Variants in CD200R1 observed in about 807,000 individuals in gnomAD.
CD200R1 encodes the protein CD200 receptor 1.
A neutral mutation model predicts 38.1 loss-of-function variants in CD200R1; 30 were observed. That is an observed-to-expected ratio of 0.79 (90% CI 0.59 to 1.07). The LOEUF is 1.07. Among genes scored for constraint, CD200R1 ranks in the 50% least tolerant of loss-of-function variants. The pLI is 0.00. For synonymous variants in CD200R1, 128 were observed against 152.1 expected (o/e 0.84, Z 1.16); for missense variants, 372 against 415.4 (o/e 0.90, Z 0.91).
rs766530294 is a variant in CD200R1, at chr3:112,929,529, TAAAAG to T, written c.203-27_203-23del. 7.3e-5 allele frequency: 115 copies of T among 1,574,580 alleles called. No individual in the cohort carries two copies. The African/African-American group carries it at 1.4e-3, about 20-fold the overall frequency. On this transcript the variant is annotated intron_variant, in intron 3 of 7. Transcript: ENST00000308611. ...TTAACTGGACATGAAAAGAGAATGA[TAAAAG>T]AAAAGCTTGATAAAGAACTTCATGT... is the stretch of plus-strand genomic sequence containing the variant.
At chr3:112,951,007 C>A (rs1371949913) in intron 1 of CD200R1, among the ~76,000 whole-genome samples, 1 of 151,686 alleles carries the variant, frequency 6.6e-6, no homozygotes, top group Non-Finnish European at 1.5e-5. Context: ...AGAGAGAAAA[C>A]ACAATAATAA....
In CD200R1 at chr3:112,930,502, G is replaced by T. The variant is rs1229694652; in HGVS notation, c.202+604C>A. 3.9e-5 allele frequency among the ~76,000 whole-genome samples: 6 copies of T among 152,190 alleles called. No individual in the cohort carries two copies. In the South Asian group the frequency reaches 1.2e-3, roughly 32 times the overall value. ...AAAAATTAAGCCCTGCATCCTACAA[G>T]CATCTTCCAACGTAGAACCTCATGC... is the stretch of plus-strand genomic sequence containing the variant. On this transcript the variant is annotated intron_variant, in intron 3 of 7. Coordinates refer to ENST00000308611, the MANE Select transcript of CD200R1 (RefSeq NM_138806.4).
chr3:112,930,591 A>C (rs950048481), intron 3 of CD200R1, among the ~76,000 whole-genome samples: 1 of 152,242 alleles, frequency 6.6e-6, no homozygotes, highest in African/African-American at 2.4e-5. Flanking sequence ...TGATTAGTCC[A>C]CCAAAGTATT....
chr3:112,944,455 T>C (rs1482438183), intron 2 of CD200R1, among the ~76,000 whole-genome samples: 7 of 143,992 alleles, frequency 4.9e-5, no homozygotes, highest in Non-Finnish European at 1.1e-4. Context: ...TTTTAAAAAC[T>C]CTCAGTAAAC....
chr3:112,957,060 A>C (rs1468710112), intron 1 of CD200R1, among the ~76,000 whole-genome samples: 1 of 152,142 alleles, frequency 6.6e-6, no homozygotes, highest in African/African-American at 2.4e-5. Context: ...GTTGGGGTCC[A>C]AGGCAAAGTT....
rs1450459962 is a variant in CD200R1 at position 112,922,779 on chromosome 3, G to A, written c.*898C>T. On this transcript the variant is annotated 3_prime_UTR_variant, in exon 8 of 8. Coordinates refer to ENST00000308611, the MANE Select transcript of CD200R1 (RefSeq NM_138806.4). ...TGATTAAAAAGAGAAAGTGGCAACT[G>A]TAGAAGCAGGAATAGTACAGTTATT... 1 of 151,942 alleles carries A rather than the reference G, an allele frequency of 6.6e-6. No individual in the cohort carries two copies. The highest frequency in any genetic ancestry group is 1.5e-5 in the Non-Finnish European group (1 of 67,888). The allele number at this position is 151,942 out of a possible 1,614,324, so 9.4% of individuals were successfully genotyped here. A position where few individuals can be genotyped will look rare whatever the true frequency, so the allele number is the denominator to read the frequency against.
chr3:112,969,914 G>C (rs980100798), intron 1 of CD200R1, among the ~76,000 whole-genome samples: 1 of 152,140 alleles, frequency 6.6e-6, no homozygotes, highest in Non-Finnish European at 1.5e-5. Flanking sequence ...ACTCACGCCT[G>C]TAATTCCAAC....
rs1176485330 is a variant in CD200R1, at chr3:112,929,283, G to A, written c.427C>T (p.Arg143Cys). The change falls in exon 4 of 8, where the codon CGT becomes TGT. Residue 143 changes from arginine (R) to cysteine (C), a missense_variant. Physicochemically the swap from Arg to Cys is radical, Grantham distance 180. Transcript: ENST00000308611. ...CCGTCATGAGTGATGGCCACGGTACGAATCTGAAGGTCCGAATTCTGATCA... is the reference window on the plus strand; with the variant it reads ...CCGTCATGAGTGATGGCCACGGTACAAATCTGAAGGTCCGAATTCTGATCA... The part of the protein sequence containing the change: ...RPDQNSDLQI[R>C]TVAITHDGYY... The A allele has an allele frequency of 3.1e-6, 5 of 1,614,106 alleles. No individual in the cohort carries two copies. The highest frequency in any genetic ancestry group is 2.7e-5 in the African/African-American group (2 of 75,016).
At chr3:112,963,614 T>G (rs1221668889) in intron 1 of CD200R1, among the ~76,000 whole-genome samples, 1 of 152,168 alleles carries the variant, frequency 6.6e-6, no homozygotes, top group East Asian at 1.9e-4. Flanking sequence ...AGCAAAGTAT[T>G]CAAGATGCGA....
intron 2 of CD200R1, among the ~76,000 whole-genome samples, chr3:112,934,388 CCTT>C (rs1330977627): frequency 6.6e-6 from 1 of 151,790 alleles, no homozygotes; most frequent in African/African-American, 2.4e-5. Context: ...GAAAAACTAT[CCTT>C]CAGAAATAAA....
chr3:112,970,318 G>GT (rs1331281793), intron 1 of CD200R1, among the ~76,000 whole-genome samples: 1 of 152,170 alleles, frequency 6.6e-6, no homozygotes, highest in East Asian at 1.9e-4. Flanking sequence ...TTGTTGCTTA[G>GT]TGTTAATGCA....
intron 1 of CD200R1, among the ~76,000 whole-genome samples, chr3:112,956,686 C>A (rs75845973): frequency 0.019 from 2,907 of 152,250 alleles, 98 homozygotes; most frequent in African/African-American, 0.066. Context: ...TTCCAGAGAT[C>A]CTGGGAAGAC....
rs777004253 is a variant in CD200R1 at position 112,957,170 on chromosome 3, A to G, written c.68-9246T>C. On this transcript the variant is annotated intron_variant, in intron 1 of 7. Transcript: ENST00000308611. ...AGGTGACACAAGTAATTTAAAACTG[A>G]CGTCCTCTTCAATATATCTTTTCTT... Among the ~76,000 whole-genome samples the G allele has an allele frequency of 9.2e-5, 14 of 152,304 alleles. No homozygotes were observed. The Middle Eastern group carries it at 0.01, about 111-fold the overall frequency.
rs528478594 is a variant in CD200R1 at position 112,953,772 on chromosome 3, T to A, written c.68-5848A>T. 2.6e-5 allele frequency among the ~76,000 whole-genome samples: 4 copies of A among 152,322 alleles called. No individual in the cohort carries two copies. The East Asian group carries it at 7.7e-4, about 29-fold the overall frequency. ...ACAGTCTCTTGTGATCCTTTGTGTT[T>A]CTACAGTATAAGTTGTAATGTCTCC... is the stretch of plus-strand genomic sequence containing the variant. On this transcript the variant is annotated intron_variant, in intron 1 of 7. Coordinates refer to ENST00000308611, the MANE Select transcript of CD200R1 (RefSeq NM_138806.4).
rs1933410262 is a variant in CD200R1, at chr3:112,975,094, T to C, written c.-237A>G. 4 of 535,698 alleles carry C rather than the reference T, an allele frequency of 7.5e-6. No individual in the cohort carries two copies. In the South Asian group the frequency reaches 1.1e-4, roughly 15 times the overall value. 33.2% of individuals were successfully genotyped at this position (535,698 alleles called of 1,614,324 possible). A position where few individuals can be genotyped will look rare whatever the true frequency, so the allele number is the denominator to read the frequency against. On this transcript the variant is annotated 5_prime_UTR_variant, in exon 1 of 8. Transcript: ENST00000308611. ...CTCTGGAACTTGACACAGCAATAGA[T>C]TTCCTGTATGAAGCCCTGAAGCAAA...
At chr3:112,928,476 T>A (rs1940331702) in intron 5 of CD200R1, among the ~76,000 whole-genome samples, 1 of 152,338 alleles carries the variant, frequency 6.6e-6, no homozygotes, top group Middle Eastern at 3.4e-3. Flanking sequence ...TGAGTAAATG[T>A]ATCCTTCTAA....
At chr3:112,930,060 T>C (rs532373969) in intron 3 of CD200R1, among the ~76,000 whole-genome samples, 1 of 152,178 alleles carries the variant, frequency 6.6e-6, no homozygotes, top group South Asian at 2.1e-4. Flanking sequence ...GCTAGAAATT[T>C]TTTTAAGTTC....
intron 1 of CD200R1, among the ~76,000 whole-genome samples, chr3:112,961,237 A>G (rs1244126805): frequency 6.6e-6 from 1 of 152,124 alleles, no homozygotes; most frequent in Non-Finnish European, 1.5e-5. Flanking sequence ...AGAATGTAGT[A>G]TCTGATACCA....
chr3:112,974,268 T>A (rs555707145), intron 1 of CD200R1, among the ~76,000 whole-genome samples: 6 of 151,994 alleles, frequency 3.9e-5, no homozygotes, highest in Non-Finnish European at 7.4e-5. Flanking sequence ...AGACTCTATC[T>A]CTACCAAAAA....
Sources: allele counts gnomAD v4.1 joint callset (sites outside exome capture counted in the v4.1 genomes callset), GRCh38; gene constraint gnomAD v4.1.1; transcripts MANE v1.5; gene names NCBI Gene and HGNC (gene_info 2026-07-23, HGNC 2026-07-21).